Variants in ADGRL2 observed in about 807,000 individuals in gnomAD.
ADGRL2 encodes adhesion G protein-coupled receptor L2.
In ADGRL2, 44 loss-of-function variants were observed where a neutral mutation model predicts 157.4. That is an observed-to-expected ratio of 0.28 (90% CI 0.22 to 0.36). ADGRL2 has a LOEUF of 0.36. Ranked by LOEUF, ADGRL2 falls within the 10% of genes least tolerant of loss-of-function variation. ADGRL2 has a pLI of 1.00. For missense variants in ADGRL2, 1,510 were observed against 1,768.9 expected (o/e 0.85, Z 2.63); for synonymous variants, 585 against 624.7 (o/e 0.94, Z 0.95).
intron 2 of ADGRL2, among the ~76,000 whole-genome samples, chr1:81,790,848 G>T (rs1251290948): frequency 6.6e-6 from 1 of 152,040 alleles, no homozygotes; most frequent in Non-Finnish European, 1.5e-5. Context: ...GCCATTTCTA[G>T]ATACACAAAT....
At chr1:81,355,602 A>C (rs1231889327) in intron 1 of ADGRL2, among the ~76,000 whole-genome samples, 1 of 152,192 alleles carries the variant, frequency 6.6e-6, no homozygotes, top group Non-Finnish European at 1.5e-5. Context: ...TCCATAAAAG[A>C]AACACAACGC....
At chr1:81,489,376 C>A (rs1024334470) in intron 2 of ADGRL2, among the ~76,000 whole-genome samples, 2 of 152,022 alleles carry the variant, frequency 1.3e-5, no homozygotes, top group African/African-American at 4.8e-5. Flanking sequence ...ACAGAAGAAT[C>A]AGCAAACTTG....
At chr1:81,616,450 G>A (rs1425124743) in intron 3 of ADGRL2, among the ~76,000 whole-genome samples, 1 of 152,030 alleles carries the variant, frequency 6.6e-6, no homozygotes, top group Non-Finnish European at 1.5e-5. Context: ...TCTTCTCTCA[G>A]GTACTGAGCC....
intron 1 of ADGRL2, among the ~76,000 whole-genome samples, chr1:81,757,120 A>C (rs2085719240): frequency 6.6e-6 from 1 of 152,138 alleles, no homozygotes; most frequent in African/African-American, 2.4e-5. Flanking sequence ...GGCTAGTAAA[A>C]GCTTTTGTGG....
At chr1:81,316,894 T>C (rs1034204033) in intron 1 of ADGRL2, among the ~76,000 whole-genome samples, 1 of 152,156 alleles carries the variant, frequency 6.6e-6, no homozygotes, top group Non-Finnish European at 1.5e-5. Context: ...CTATCTCTCA[T>C]CCACCCCGAT....
At chr1:81,384,449 T>C (rs977258927) in intron 1 of ADGRL2, among the ~76,000 whole-genome samples, 3 of 152,116 alleles carry the variant, frequency 2.0e-5, no homozygotes, top group African/African-American at 4.8e-5. Context: ...GGGAGTGTGA[T>C]AGAAAGGAGT....
intron 2 of ADGRL2, among the ~76,000 whole-genome samples, chr1:81,845,581 C>G (rs1041397113): frequency 2.0e-5 from 3 of 151,988 alleles, no homozygotes; most frequent in African/African-American, 7.2e-5. Context: ...GGGACAAAAA[C>G]ATTTTTTGTA....
chr1:81,484,804 A>G (rs1332628499), intron 2 of ADGRL2, among the ~76,000 whole-genome samples: 1 of 152,082 alleles, frequency 6.6e-6, no homozygotes. Flanking sequence ...TCTAAATATC[A>G]TTTATTTGTT....
chr1:81,366,762 T>C (rs1437620344), intron 1 of ADGRL2, among the ~76,000 whole-genome samples: 3 of 152,148 alleles, frequency 2.0e-5, no homozygotes, highest in Non-Finnish European at 4.4e-5. Flanking sequence ...TGAATTTTAG[T>C]TACTTCTTTT....
At chr1:81,696,100 T>G (rs1224837175), upstream of ADGRL2, among the ~76,000 whole-genome samples, 1 of 152,180 alleles carries the variant, frequency 6.6e-6, no homozygotes, top group Non-Finnish European at 1.5e-5. Context: ...GTTGTTTTCC[T>G]CAACAAAAGA....
chr1:81,613,301 T>C lies in ADGRL2; in HGVS notation c.-143+32321T>C, dbSNP rs116532549. On this transcript the variant is annotated intron_variant, in intron 3 of 24. Transcript: ENST00000370721. The stretch of plus-strand genomic sequence containing the variant: ...TCAATAAATACAGCCATTATCATTG[T>C]CAACTTGTTGTGTTAGAAGTGGCCA... 1.4e-3 allele frequency among the ~76,000 whole-genome samples: 218 copies of C among 152,316 alleles called. 1 individual carries two copies. Among genetic ancestry groups the C allele is most frequent in the African/African-American group, 4.8e-3 (200 of 41,562 alleles).
At chr1:81,639,658 T>C (rs1382271512) in intron 3 of ADGRL2, among the ~76,000 whole-genome samples, 1 of 151,840 alleles carries the variant, frequency 6.6e-6, no homozygotes, top group Non-Finnish European at 1.5e-5. Flanking sequence ...AAGAGAGTTA[T>C]TAGAAATAGA....
intron 23 of ADGRL2, chr1:81,989,787 G>C: frequency 6.5e-7 from 1 of 1,533,758 alleles, no homozygotes. Context: ...ATGAGAGATG[G>C]CTGTCTTTGT....
chr1:81,627,220 A>T (rs2081928438), intron 3 of ADGRL2, among the ~76,000 whole-genome samples: 1 of 152,180 alleles, frequency 6.6e-6, no homozygotes, highest in Non-Finnish European at 1.5e-5. Context: ...TTTAAAAGCC[A>T]CATACTTAAA....
At position 81,966,188 on chromosome 1, in the gene ADGRL2, G is replaced by A. The variant is rs371184768; in HGVS notation, c.2143+5G>A. On this transcript the variant is annotated splice_donor_5th_base_variant and intron_variant, in intron 12 of 23. Coordinates refer to ENST00000686636, the MANE Select transcript of ADGRL2 (RefSeq NM_001366006.2). ...TCAAACAGAACAGCAGGAATGGTAA[G>A]GTGGAAGTCTTTTAAAAATTGACAG... 6.2e-7 allele frequency: 1 copy of A among 1,613,738 alleles called. No individual in the cohort carries two copies. The highest frequency in any genetic ancestry group is 2.2e-5 in the East Asian group (1 of 44,866).
intron 2 of ADGRL2, among the ~76,000 whole-genome samples, chr1:81,553,340 C>T (rs746730882): frequency 3.0e-4 from 45 of 152,190 alleles, no homozygotes; most frequent in Admixed American, 5.2e-4. Context: ...TTTAAGCACC[C>T]GGTTTTTGAA....
chr1:81,412,178 T>C (rs1033416894), intron 1 of ADGRL2, among the ~76,000 whole-genome samples: 1 of 152,122 alleles, frequency 6.6e-6, no homozygotes, highest in Admixed American at 6.5e-5. Context: ...TAATTTCCCT[T>C]AGGTTAACAG....
intron 1 of ADGRL2, among the ~76,000 whole-genome samples, chr1:81,411,254 T>C (rs1243916552): frequency 6.6e-6 from 1 of 152,258 alleles, no homozygotes; most frequent in African/African-American, 2.4e-5. Context: ...AATATTTATA[T>C]GTCATCTCTC....
chr1:81,388,646 C>G (rs1413052013), intron 1 of ADGRL2, among the ~76,000 whole-genome samples: 1 of 152,148 alleles, frequency 6.6e-6, no homozygotes, highest in Non-Finnish European at 1.5e-5. Context: ...GCCCTTTCAA[C>G]ATGAGAGGGC....
Sources: gnomAD v4.1 joint callset for allele counts (sites outside exome capture counted in the v4.1 genomes callset) on GRCh38, gnomAD v4.1.1 for gene constraint, MANE v1.5 for transcripts, NCBI Gene and HGNC (gene_info 2026-07-23, HGNC 2026-07-21) for gene names.